Variants in NAV2 observed in about 807,000 individuals in gnomAD.
The protein encoded by NAV2 is neuron navigator 2, also known as helicase, APC down-regulated 1.
In NAV2, 54 loss-of-function variants were observed where a neutral mutation model predicts 223.2. That is an observed-to-expected ratio of 0.24 (90% confidence interval 0.19 to 0.30). NAV2 has a LOEUF of 0.30. Among genes scored for constraint, NAV2 ranks in the 10% least tolerant of loss-of-function variants. The pLI is 1.00. For missense variants in NAV2, 2,806 were observed against 3,147.5 expected (o/e 0.89, Z 2.60); for synonymous variants, 1,279 against 1,239.3 (o/e 1.03, Z -0.67).
chr11:20,094,201 C>T (rs369089323), intron 29 of NAV2, among the ~76,000 whole-genome samples: 16 of 148,214 alleles, frequency 1.1e-4, no homozygotes, highest in Middle Eastern at 3.6e-3. Flanking sequence ...AGGGGAAACT[C>T]GTTCTTTTTT....
intron 10 of NAV2, among the ~76,000 whole-genome samples, chr11:19,976,562 T>C (rs542820932): frequency 1.3e-5 from 2 of 152,306 alleles, no homozygotes; most frequent in East Asian, 3.9e-4. Flanking sequence ...TCTGAGCCCT[T>C]GTTTGATTAG....
At chr11:20,051,413 G>C in intron 17 of NAV2, 80 bp downstream of exon 17, 2 of 1,402,108 alleles carry the variant, frequency 1.4e-6, no homozygotes, top group Non-Finnish European at 2.0e-6. Flanking sequence ...ATGGCTGGTG[G>C]GGGTTTGGGC....
At chr11:19,583,998 G>A (rs573952343) in intron 1 of NAV2, among the ~76,000 whole-genome samples, 16 of 152,174 alleles carry the variant, frequency 1.1e-4, no homozygotes, top group Admixed American at 4.6e-4. Flanking sequence ...CTGTGAATCC[G>A]TCTGGTCCTG....
intron 17 of NAV2, among the ~76,000 whole-genome samples, chr11:20,053,747 A>G (rs1038283063): frequency 6.6e-6 from 1 of 152,250 alleles, no homozygotes; most frequent in African/African-American, 2.4e-5. Context: ...TTGTTGCTTC[A>G]GTCCTGTCAA....
At chr11:19,504,994 G>A (rs893641182) in intron 1 of NAV2, 1 of 152,282 alleles carries the variant, frequency 6.6e-6, no homozygotes, top group Non-Finnish European at 1.5e-5. Flanking sequence ...TGGAGTTCGA[G>A]ACTGAAACCC....
chr11:19,953,856 C>CGT (rs763234477), intron 10 of NAV2, among the ~76,000 whole-genome samples: 33 of 127,130 alleles, frequency 2.6e-4, no homozygotes, highest in South Asian at 9.4e-4. Flanking sequence ...TGCACGCGCG[C>CGT]GCGTGTGTGT....
At chr11:19,453,629 A>C (rs1285064018) in intron 1 of NAV2, among the ~76,000 whole-genome samples, 2 of 152,100 alleles carry the variant, frequency 1.3e-5, no homozygotes, top group Non-Finnish European at 2.9e-5. Context: ...TCTGCTCCTG[A>C]ACCTGCAGGG....
chr11:20,102,527 A>G (rs978401620), intron 32 of NAV2, among the ~76,000 whole-genome samples: 3 of 152,102 alleles, frequency 2.0e-5, no homozygotes, highest in Non-Finnish European at 4.4e-5. Flanking sequence ...CTTCTAGGTT[A>G]TTGTGGGACT....
chr11:19,664,477 G>T (rs2135753287), intron 1 of NAV2, among the ~76,000 whole-genome samples: 1 of 152,276 alleles, frequency 6.6e-6, no homozygotes, highest in African/African-American at 2.4e-5. Context: ...AATATTAATG[G>T]AGAGGTCATG....
intron 1 of NAV2, among the ~76,000 whole-genome samples, chr11:19,793,226 A>AAAG (rs2057658115): frequency 1.6e-5 from 2 of 127,272 alleles, no homozygotes; most frequent in African/African-American, 2.9e-5. Context: ...AAAAAAAAAA[A>AAAG]AAAGAAAGAA....
intron 1 of NAV2, among the ~76,000 whole-genome samples, chr11:19,780,819 A>G (rs1443168981): frequency 6.6e-6 from 1 of 152,234 alleles, no homozygotes; most frequent in Non-Finnish European, 1.5e-5. Flanking sequence ...AAAAGACTCA[A>G]CAGAAACATT....
chr11:19,609,176 A>G (rs1425571251), intron 1 of NAV2, among the ~76,000 whole-genome samples: 1 of 152,240 alleles, frequency 6.6e-6, no homozygotes, highest in East Asian at 1.9e-4. Flanking sequence ...GATTCTGCCT[A>G]GTACACCAGT....
At chr11:19,821,641 A>G (rs1439872103) in intron 1 of NAV2, among the ~76,000 whole-genome samples, 2 of 152,130 alleles carry the variant, frequency 1.3e-5, no homozygotes. Flanking sequence ...ATGGTAACTC[A>G]TGTTATATTG....
At chr11:19,927,050 G>A (rs2044823746) in intron 6 of NAV2, among the ~76,000 whole-genome samples, 1 of 152,232 alleles carries the variant, frequency 6.6e-6, no homozygotes, top group South Asian at 2.1e-4. Flanking sequence ...GGAAGGTTAA[G>A]GCTGGTTGCC....
At chr11:19,924,800 G>T (rs983270758) in intron 6 of NAV2, among the ~76,000 whole-genome samples, 1 of 152,162 alleles carries the variant, frequency 6.6e-6, no homozygotes, top group Non-Finnish European at 1.5e-5. Flanking sequence ...TTAATTTTGA[G>T]CGCTGTGGAG....
intron 1 of NAV2, among the ~76,000 whole-genome samples, chr11:19,519,500 AGAGCCAGGGTTT>A (rs1241364400): frequency 6.6e-5 from 10 of 152,248 alleles, no homozygotes; most frequent in African/African-American, 2.4e-4. Flanking sequence ...CGGAGACGGT[AGAGCCAGGGTTT>A]GAACCCTGAT....
At chr11:19,796,742 G>A (rs2057926811) in intron 1 of NAV2, among the ~76,000 whole-genome samples, 1 of 152,090 alleles carries the variant, frequency 6.6e-6, no homozygotes, top group Admixed American at 6.5e-5. Context: ...ACTACCACAT[G>A]CCCCTACACA....
At chr11:20,005,253 A>ATTT (rs35999844) in intron 11 of NAV2, among the ~76,000 whole-genome samples, 20 of 134,554 alleles carry the variant, frequency 1.5e-4, no homozygotes, top group African/African-American at 5.6e-4. Context: ...ATATATATAT[A>ATTT]TTTTTTTTTT....
intron 1 of NAV2, among the ~76,000 whole-genome samples, chr11:19,791,476 T>C (rs1177128044): frequency 2.0e-5 from 3 of 152,182 alleles, no homozygotes; most frequent in African/African-American, 7.2e-5. Context: ...GAAGAAGCTG[T>C]GCCTGAGAGC....
Sources: gnomAD v4.1 joint callset for allele counts (sites outside exome capture counted in the v4.1 genomes callset) on GRCh38, gnomAD v4.1.1 for gene constraint, MANE v1.5 for transcripts, NCBI Gene and HGNC (gene_info 2026-07-23, HGNC 2026-07-21) for gene names.